G3BP1: variants seen among roughly 807,000 people sequenced by gnomAD.
The protein encoded by G3BP1 is G3BP stress granule assembly factor 1, also known as ras GTPase-activating protein-binding protein 1.
Under a neutral mutation model 58.6 loss-of-function variants are expected in G3BP1, and 35 were observed. That is an observed-to-expected ratio of 0.60 (90% CI 0.46 to 0.79). G3BP1 has a LOEUF of 0.79. Ranked by LOEUF, G3BP1 falls within the 30% of genes least tolerant of loss-of-function variation. The pLI is 0.00. For missense variants in G3BP1, 523 were observed against 580.8 expected, an observed-to-expected ratio of 0.90 and a Z score of 1.02; for synonymous variants, 191 against 195.4, an observed-to-expected ratio of 0.98 and a Z score of 0.19.
At position 151,804,321 on chromosome 5, in the gene G3BP1, C is replaced by T. The variant is rs766231217; in HGVS notation, c.*230C>T. The T allele has an allele frequency of 2.0e-4, 74 of 376,242 alleles. No homozygotes were observed. The highest frequency in any genetic ancestry group is 3.0e-4 in the Non-Finnish European group (63 of 213,266). 23.3% of individuals were successfully genotyped at this position (376,242 alleles called of 1,614,324 possible). A position where few individuals can be genotyped will look rare whatever the true frequency, so the allele number is the denominator to read the frequency against. On this transcript the variant is annotated 3_prime_UTR_variant, in exon 12 of 12. Coordinates refer to ENST00000356245, the MANE Select transcript of G3BP1 (RefSeq NM_005754.3). ...TTGTGGAATGATATTTTAGGAATAA[C>T]GGACTTTTAAAGAAGCAAAAAAAAA...
At chr5:151,800,982 G>T in intron 11 of G3BP1, 113 bp downstream of exon 11, 1 of 582,392 alleles carries the variant, frequency 1.7e-6, no homozygotes. Context: ...ATTCCAACAT[G>T]TTCAGGTAAT....
chr5:151,795,787 CTTAGT>C (rs1561535937), intron 6 of G3BP1, among the ~76,000 whole-genome samples: 1 of 151,998 alleles, frequency 6.6e-6, no homozygotes, highest in Admixed American at 6.6e-5. Context: ...TCTACTATTG[CTTAGT>C]TTAAATAGTA....
At chr5:151,778,777 T>C (rs1037113242) in intron 1 of G3BP1, among the ~76,000 whole-genome samples, 1 of 149,412 alleles carries the variant, frequency 6.7e-6, no homozygotes, top group Non-Finnish European at 1.5e-5. Flanking sequence ...GAGATATGGG[T>C]CAGGCGCAGT....
At chr5:151,797,695 C>A (rs1481483862) in intron 7 of G3BP1, among the ~76,000 whole-genome samples, 1 of 152,206 alleles carries the variant, frequency 6.6e-6, no homozygotes, top group East Asian at 1.9e-4. Context: ...CACTGTAGCA[C>A]CCTATCAGTG....
chr5:151,793,612 C>G (rs141564730), intron 4 of G3BP1, among the ~76,000 whole-genome samples: 1 of 152,172 alleles, frequency 6.6e-6, no homozygotes, highest in East Asian at 1.9e-4. Context: ...TTAACTAATT[C>G]TTTGTTGTGG....
chr5:151,799,362 G>A, intron 8 of G3BP1, 49 bp downstream of exon 8: 2 of 944,040 alleles, frequency 2.1e-6, no homozygotes, highest in East Asian at 2.4e-5. Context: ...CTTCTATTGT[G>A]GTAATTTGAT....
intron 1 of G3BP1, among the ~76,000 whole-genome samples, chr5:151,786,158 G>A (rs1762552464): frequency 6.6e-6 from 1 of 152,124 alleles, no homozygotes; most frequent in Admixed American, 6.6e-5. Context: ...GCATGATGGC[G>A]CTTGCCAGTA....
In G3BP1 at chr5:151,795,534, A is replaced by G; in HGVS notation, c.498A>G (p.Val166=). The G allele has an allele frequency of 6.2e-7, 1 of 1,608,352 alleles. No individual in the cohort carries two copies. The highest frequency in any genetic ancestry group is 2.2e-5 in the East Asian group (1 of 44,828). Residue 166 remains valine, a synonymous_variant, in exon 6 of 12, where the codon GTA becomes GTG. Transcript: ENST00000356245. ...PEERQQTPEV[V]PDDSGTFYDQ... is the part of the protein sequence containing the mutation. ...AAAGACAGCAAACACCTGAGGTGGTACCTGATGATTCTGGAACTTTCTATG... is the reference window on the plus strand; with the variant it reads ...AAAGACAGCAAACACCTGAGGTGGTGCCTGATGATTCTGGAACTTTCTATG...
Position 151,783,783 on chromosome 5 carries a change from G to A in G3BP1, c.-49-2789G>A, listed in dbSNP as rs1447877016. Among the ~76,000 whole-genome samples the A allele has an allele frequency of 2.6e-5, 4 of 151,640 alleles. No individual in the cohort carries two copies. The East Asian group carries it at 7.7e-4, about 29-fold the overall frequency. On this transcript the variant is annotated intron_variant, in intron 1 of 11. Coordinates refer to ENST00000356245, the MANE Select transcript of G3BP1 (RefSeq NM_005754.3). ...ACCTAAACATTCTTTTTTTTCTGGA[G>A]ATGGAGTCACGCTCTGTCGCCCAGG... is the stretch of plus-strand genomic sequence containing the variant.
rs1301648965 is a variant in G3BP1, at chr5:151,800,360, T to G, written c.1084+14T>G. On this transcript the variant is annotated intron_variant, in intron 10 of 11. Coordinates refer to ENST00000356245, the MANE Select transcript of G3BP1 (RefSeq NM_005754.3). ...ATTTCTTTCAAAGTAGGTTATTGAG[T>G]TTTGAACACTAAATTCATCTAGTGT... is the stretch of plus-strand genomic sequence containing the variant. The G allele has an allele frequency of 1.2e-6, 2 of 1,603,360 alleles. No individual in the cohort carries two copies. Among genetic ancestry groups the G allele is most frequent in the African/African-American group, 2.7e-5 (2 of 74,630 alleles).
intron 4 of G3BP1, chr5:151,791,288 T>C (rs908899889): frequency 2.6e-6 from 1 of 387,150 alleles, no homozygotes; most frequent in Admixed American, 3.7e-5. Context: ...CTAAGAATAA[T>C]TCTCTTCCAT....
intron 5 of G3BP1, among the ~76,000 whole-genome samples, chr5:151,794,502 G>A (rs567488383): frequency 6.6e-6 from 1 of 152,320 alleles, no homozygotes; most frequent in South Asian, 2.1e-4. Flanking sequence ...AGCGACAGTA[G>A]TAGTATTTTT....
chr5:151,786,258 C>T (rs929609943), intron 1 of G3BP1, among the ~76,000 whole-genome samples: 1 of 152,196 alleles, frequency 6.6e-6, no homozygotes, highest in African/African-American at 2.4e-5. Context: ...CACTGCACTC[C>T]AGCCTGGGCA....
intron 1 of G3BP1, among the ~76,000 whole-genome samples, chr5:151,782,552 T>A (rs975066587): frequency 6.6e-6 from 1 of 152,176 alleles, no homozygotes; most frequent in African/African-American, 2.4e-5. Context: ...TATTTCAACA[T>A]CCATTGGTGT....
intron 1 of G3BP1, among the ~76,000 whole-genome samples, chr5:151,779,046 TA>T (rs200862248): frequency 2.7e-3 from 386 of 143,960 alleles, no homozygotes; most frequent in East Asian, 7.1e-3. Context: ...AGATTCCTTC[TA>T]AAAAAAAAAA....
intron 1 of G3BP1, among the ~76,000 whole-genome samples, chr5:151,779,674 G>A (rs923117813): frequency 2.0e-5 from 3 of 152,148 alleles, no homozygotes; most frequent in Non-Finnish European, 2.9e-5. Context: ...TTTCTGGCAG[G>A]CATAAATAGG....
Position 151,804,999 on chromosome 5 carries a change from CT to C in G3BP1, c.*911del, listed in dbSNP as rs1309778187. ...GAATTATAGAATCCCTCTTTCATCA[CT>C]TTGTGTATGTCTTTTGTTAACATAT... On this transcript the variant is annotated 3_prime_UTR_variant, in exon 12 of 12. Transcript: ENST00000356245. The C allele has an allele frequency of 6.6e-6, 1 of 152,434 alleles. No individual in the cohort carries two copies. Among genetic ancestry groups the C allele is most frequent in the Non-Finnish European group, 1.5e-5 (1 of 68,006 alleles). The allele number at this position is 152,434 out of a possible 1,614,324, so 9.4% of individuals were successfully genotyped here.
chr5:151,804,101 G>C lies in G3BP1; in HGVS notation c.*10G>C, dbSNP rs558305306. On this transcript the variant is annotated 3_prime_UTR_variant, in exon 12 of 12. Transcript: ENST00000356245. The stretch of plus-strand genomic sequence containing the variant: ...TGCGCCACGGCAGTGAATCTTCATG[G>C]ATCTTCATGCAGCCATACAAACCCT... 60 of 1,568,712 alleles carry C rather than the reference G, an allele frequency of 3.8e-5. No individual in the cohort carries two copies. The highest frequency in any genetic ancestry group is 5.1e-5 in the Non-Finnish European group (59 of 1,150,126).
At chr5:151,773,306 A>G (rs1285974395) in intron 1 of G3BP1, among the ~76,000 whole-genome samples, 1 of 146,510 alleles carries the variant, frequency 6.8e-6, no homozygotes, top group African/African-American at 2.6e-5. Context: ...ATTGGAATAG[A>G]AAGGTTGGCG....
Sources: gnomAD v4.1 joint callset for allele counts (sites outside exome capture counted in the v4.1 genomes callset) on GRCh38, gnomAD v4.1.1 for gene constraint, MANE v1.5 for transcripts, NCBI Gene and HGNC (gene_info 2026-07-23, HGNC 2026-07-21) for gene names.